CDH23: variants seen among roughly 807,000 people sequenced by gnomAD.
CDH23 encodes cadherin related 23, also known as cadherin-23.
CDH23 carries 189 observed loss-of-function variants against 317.1 expected under a neutral mutation model. The ratio of observed to expected loss-of-function variants is 0.60; its 90% CI spans 0.53 to 0.67. CDH23 has a LOEUF of 0.67. Ranked by LOEUF, CDH23 falls within the 30% of genes least tolerant of loss-of-function variation. CDH23 has a pLI of 0.00. For synonymous variants in CDH23, 1,839 were observed against 1,876.8 expected (o/e 0.98, Z 0.52); for missense variants, 4,401 against 4,592.4 (o/e 0.96, Z 1.20).
chr10:71,655,715 G>T (rs889352092), intron 14 of CDH23, among the ~76,000 whole-genome samples: 4 of 152,058 alleles, frequency 2.6e-5, no homozygotes, highest in Non-Finnish European at 4.4e-5. Flanking sequence ...TCCTACTTTG[G>T]TGTCTGGGGT....
chr10:71,476,234 G>A (rs112450345), intron 3 of CDH23, among the ~76,000 whole-genome samples: 19 of 152,206 alleles, frequency 1.2e-4, no homozygotes, highest in Admixed American at 5.9e-4. Context: ...ACATGCCCCC[G>A]TCCCCACCCC....
intron 9 of CDH23, among the ~76,000 whole-genome samples, chr10:71,585,960 C>T (rs923468018): frequency 1.3e-5 from 2 of 152,200 alleles, no homozygotes; most frequent in African/African-American, 4.8e-5. Flanking sequence ...TCCCTTTCTG[C>T]GTCTCGTCTT....
At chr10:71,801,025 G>A (rs984155228) in intron 53 of CDH23, among the ~76,000 whole-genome samples, 7 of 152,120 alleles carry the variant, frequency 4.6e-5, no homozygotes, top group African/African-American at 1.7e-4. Flanking sequence ...ATACCTGGGT[G>A]TAACCCAAAT....
chr10:71,399,819 G>A (rs1196027010), intron 1 of CDH23, among the ~76,000 whole-genome samples: 1 of 152,092 alleles, frequency 6.6e-6, no homozygotes, highest in Admixed American at 6.5e-5. Context: ...CCAGAAAGAG[G>A]TGAGTGGAGG....
At chr10:71,545,632 G>A (rs538482060) in intron 6 of CDH23, among the ~76,000 whole-genome samples, 3 of 152,284 alleles carry the variant, frequency 2.0e-5, no homozygotes, top group Admixed American at 6.5e-5. Flanking sequence ...AGCTGGGGAC[G>A]CAGCCAAACA....
chr10:71,583,126 G>A (rs551387166), intron 9 of CDH23, among the ~76,000 whole-genome samples: 11 of 152,218 alleles, frequency 7.2e-5, no homozygotes, highest in East Asian at 1.9e-4. Context: ...GGAATTTGCC[G>A]GAAAGAGGGG....
chr10:71,627,759 C>T lies in CDH23; in HGVS notation c.1134+10366C>T, dbSNP rs141170047. On this transcript the variant is annotated intron_variant, in intron 11 of 69. Coordinates refer to ENST00000224721, the MANE Select transcript of CDH23 (RefSeq NM_022124.6). ...CTGGCAGGCTCCTTCCCCACACCCA[C>T]GGCCACCCACACTCCTGAGCAGGGC... Among the ~76,000 whole-genome samples the T allele has an allele frequency of 2.2e-3, 336 of 152,344 alleles. 5 individuals are homozygous for T. The highest frequency in any genetic ancestry group is 0.017 in the Admixed American group (254 of 15,314).
intron 3 of CDH23, among the ~76,000 whole-genome samples, chr10:71,498,403 C>T (rs1853092368): frequency 6.6e-6 from 1 of 152,178 alleles, no homozygotes; most frequent in Admixed American, 6.5e-5. Flanking sequence ...GTTCTTCATG[C>T]CTACAGTTTG....
chr10:71,781,039 G>T (rs1263287792), intron 41 of CDH23, among the ~76,000 whole-genome samples: 1 of 152,134 alleles, frequency 6.6e-6, no homozygotes, highest in Non-Finnish European at 1.5e-5. Context: ...GGAAAGGAGG[G>T]TCGGTTCGAG....
In CDH23 at chr10:71,682,460, G is replaced by T; in HGVS notation, c.1874G>T (p.Arg625Leu). ...GTCATTGCAGTGATCAGCGTCAGTC[G>T]CCCCCTGGATTATGAACAGATATCC... ...YEGYGVISVS[R>L]PLDYEQISNG... is the part of the protein sequence containing the mutation. The change falls in exon 18 of 70, where the codon CGC (arginine) becomes CTC (leucine). Residue 625 changes from arginine (R) to leucine (L), a missense_variant. Transcript: ENST00000224721. 1.2e-6 allele frequency: 2 copies of T among 1,611,790 alleles called. No homozygotes were observed. Among genetic ancestry groups the T allele is most frequent in the Non-Finnish European group, 1.7e-6 (2 of 1,178,978 alleles).
In CDH23 at chr10:71,778,434, CT is replaced by C. The variant is rs748248078; in HGVS notation, c.5187+127del. ...AGGGAAATGCCTAAATCCAAGACCC[CT>C]GTCCTAATCTCAGCAACTCACTCAA... On this transcript the variant is annotated intron_variant, in intron 40 of 69. Coordinates refer to ENST00000224721, the MANE Select transcript of CDH23 (RefSeq NM_022124.6). The C allele has an allele frequency of 2.4e-6, 3 of 1,246,748 alleles. No individual in the cohort carries two copies. The South Asian group carries it at 4.2e-5, about 18-fold the overall frequency. 77.2% of individuals were successfully genotyped at this position (1,246,748 alleles called of 1,614,324 possible).
rs1841916890 is a variant in CDH23, at chr10:71,811,347, A to G, written c.9110A>G (p.Gln3037Arg). The change falls in exon 63 of 70, where the codon CAG becomes CGG. Residue 3037 changes from glutamine (Q) to arginine (R), a missense_variant. By Grantham distance (43) the Gln-to-Arg change is conservative. Coordinates refer to ENST00000224721, the MANE Select transcript of CDH23 (RefSeq NM_022124.6). ...VIQMIDENKE[Q>R]LRNLFRNYNV... Reference sequence around the variant, plus strand: ...CAGATGATCGATGAGAACAAGGAGCAGCTACGGAATCTTTTCCGGAACTAC... The same window carrying G: ...CAGATGATCGATGAGAACAAGGAGCGGCTACGGAATCTTTTCCGGAACTAC... 1 of 1,613,948 alleles carries G rather than the reference A, an allele frequency of 6.2e-7. No homozygotes were observed. The highest frequency in any genetic ancestry group is 1.1e-5 in the South Asian group (1 of 91,078).
chr10:71,474,164 T>A (rs968300890), intron 3 of CDH23, among the ~76,000 whole-genome samples: 1 of 152,134 alleles, frequency 6.6e-6, no homozygotes, highest in Non-Finnish European at 1.5e-5. Flanking sequence ...TGTTCCCACA[T>A]GCCACCAGGG....
At chr10:71,437,635 A>G (rs938067300) in intron 1 of CDH23, among the ~76,000 whole-genome samples, 21 of 152,242 alleles carry the variant, frequency 1.4e-4, no homozygotes, top group Admixed American at 8.5e-4. Context: ...GGTAGGATGC[A>G]TGCCAGCCCT....
chr10:71,441,645 C>T (rs1365603162), intron 2 of CDH23, among the ~76,000 whole-genome samples: 1 of 151,932 alleles, frequency 6.6e-6, no homozygotes, highest in Non-Finnish European at 1.5e-5. Flanking sequence ...TCGCTGGAAC[C>T]CAGGAGGCGG....
At chr10:71,472,389 C>T (rs897431127) in intron 3 of CDH23, among the ~76,000 whole-genome samples, 5 of 152,232 alleles carry the variant, frequency 3.3e-5, no homozygotes, top group East Asian at 1.9e-4. Context: ...GTCACCACAC[C>T]GCCCTGTTTG....
In CDH23 at chr10:71,704,914, G is replaced by T. The variant is rs1035950898; in HGVS notation, c.2737G>T (p.Val913Leu). 1.2e-6 allele frequency: 2 copies of T among 1,611,974 alleles called. No homozygotes were observed. Among genetic ancestry groups the T allele is most frequent in the Non-Finnish European group, 1.7e-6 (2 of 1,179,048 alleles). The change falls in exon 25 of 70, where the codon GTG becomes TTG. Residue 913 changes from valine to leucine, a missense_variant. By Grantham distance (32) the Val-to-Leu change is conservative. This residue lies in a region of CDH23 where 3,068 missense variants were observed against 3,203.3 expected (regional missense o/e 0.96). Coordinates refer to ENST00000224721, the MANE Select transcript of CDH23 (RefSeq NM_022124.6). The part of the protein sequence containing the change: ...IPAGVSIYQV[V>L]AIDLDEGLNG... Reference sequence around the variant, plus strand: ...TGCTGCCCCTCCTTGCCCTCAGGTGGTGGCCATCGACCTCGATGAGGGCCT... The same window carrying T: ...TGCTGCCCCTCCTTGCCCTCAGGTGTTGGCCATCGACCTCGATGAGGGCCT...
At chr10:71,500,653 A>G (rs951304960) in intron 3 of CDH23, among the ~76,000 whole-genome samples, 6 of 152,138 alleles carry the variant, frequency 3.9e-5, no homozygotes, top group African/African-American at 1.4e-4. Context: ...TTGGATTTGG[A>G]TAAAAGGCTT....
intron 14 of CDH23, among the ~76,000 whole-genome samples, chr10:71,669,080 G>T (rs542895649): frequency 6.6e-6 from 1 of 152,340 alleles, no homozygotes; most frequent in Non-Finnish European, 1.5e-5. Flanking sequence ...GTAGGGCAGA[G>T]GCTGACTGCA....
Sources: allele counts gnomAD v4.1 joint callset (sites outside exome capture counted in the v4.1 genomes callset), GRCh38; gene constraint gnomAD v4.1.1; regional missense constraint gnomAD v4.1.1; transcripts MANE v1.5; gene names NCBI Gene and HGNC (gene_info 2026-07-23, HGNC 2026-07-21).